The following HOMER1 variants were observed in gnomAD, a reference collection of about 807,000 sequenced individuals.
HOMER1 encodes homer protein homolog 1.
A neutral mutation model predicts 48.9 loss-of-function variants in HOMER1; 3 were observed. That is an observed-to-expected ratio of 0.06 (90% confidence interval 0.03 to 0.16). The LOEUF is 0.16. Among genes scored for constraint, HOMER1 ranks in the 10% least tolerant of loss-of-function variants. The pLI is 1.00. For synonymous variants in HOMER1, 134 were observed against 146.4 expected (o/e 0.92, Z 0.61); for missense variants, 247 against 411.4 (o/e 0.60, Z 3.46).
At position 79,390,713 on chromosome 5, in the gene HOMER1, T is replaced by C. The variant is rs184584282; in HGVS notation, c.876+6110A>G. Reference sequence around the variant, plus strand: ...AAAAGCAGCAGTAAATTACGTAACATAGAAATTATACAAATAAAACACTGT... The same window carrying C: ...AAAAGCAGCAGTAAATTACGTAACACAGAAATTATACAAATAAAACACTGT... On this transcript the variant is annotated intron_variant, in intron 8 of 8. Coordinates refer to ENST00000334082, the MANE Select transcript of HOMER1 (RefSeq NM_004272.5). Among the ~76,000 whole-genome samples, 118 of 152,038 alleles carry C rather than the reference T, an allele frequency of 7.8e-4. 1 individual carries two copies. The highest frequency in any genetic ancestry group is 4.2e-4 in the South Asian group (2 of 4,814).
chr5:79,510,291 A>G, intron 1 of HOMER1: 1 of 364,290 alleles, frequency 2.7e-6, no homozygotes, highest in East Asian at 6.8e-5. Flanking sequence ...TCATTTATAA[A>G]CAAATTAATT....
At chr5:79,501,780 T>A (rs1442403529) in intron 1 of HOMER1, among the ~76,000 whole-genome samples, 1 of 152,098 alleles carries the variant, frequency 6.6e-6, no homozygotes, top group Non-Finnish European at 1.5e-5. Context: ...CTATATTACC[T>A]CCCATAGTCA....
In HOMER1 at chr5:79,456,852, C is replaced by T. The variant is rs780332347; in HGVS notation, c.162+10G>A. ...AACCAGCCAAATCATTCAAAGTAAACGTAGCTTACCTTTGAGCCATCTAAA... is the reference window on the plus strand; with the variant it reads ...AACCAGCCAAATCATTCAAAGTAAATGTAGCTTACCTTTGAGCCATCTAAA... On this transcript the variant is annotated intron_variant, in intron 2 of 8. Transcript: ENST00000334082. 1.1e-5 allele frequency: 17 copies of T among 1,607,380 alleles called. No homozygotes were observed. Among genetic ancestry groups the T allele is most frequent in the South Asian group, 1.0e-4 (9 of 90,054 alleles).
chr5:79,405,368 AT>A (rs1197034073), intron 5 of HOMER1, among the ~76,000 whole-genome samples: 1 of 152,180 alleles, frequency 6.6e-6, no homozygotes, highest in African/African-American at 2.4e-5. Flanking sequence ...AGTCTACAGC[AT>A]TTTTTAGGAC....
At chr5:79,461,030 T>C (rs1194508258) in intron 1 of HOMER1, among the ~76,000 whole-genome samples, 1 of 152,168 alleles carries the variant, frequency 6.6e-6, no homozygotes, top group Non-Finnish European at 1.5e-5. Context: ...TGTAGAACTC[T>C]TGGGCCAGGA....
intron 5 of HOMER1, among the ~76,000 whole-genome samples, chr5:79,407,596 A>T (rs1749699810): frequency 6.6e-6 from 1 of 152,212 alleles, no homozygotes; most frequent in Non-Finnish European, 1.5e-5. Flanking sequence ...ACAGCTGCAT[A>T]AAGTCGGTGA....
intron 1 of HOMER1, among the ~76,000 whole-genome samples, chr5:79,469,560 AG>A (rs972614723): frequency 6.6e-6 from 1 of 152,212 alleles, no homozygotes; most frequent in African/African-American, 2.4e-5. Context: ...TATGTATGGT[AG>A]TCATACAGTC....
At chr5:79,474,785 A>G (rs1312339998) in intron 1 of HOMER1, among the ~76,000 whole-genome samples, 3 of 152,224 alleles carry the variant, frequency 2.0e-5, no homozygotes, top group Non-Finnish European at 2.9e-5. Flanking sequence ...CTGAAAGGTT[A>G]CAGATCTAGT....
chr5:79,443,254 T>TA (rs1750786580), intron 4 of HOMER1, among the ~76,000 whole-genome samples: 1 of 152,180 alleles, frequency 6.6e-6, no homozygotes, highest in Admixed American at 6.6e-5. Flanking sequence ...GACTAAAATG[T>TA]AAATGGCTAA....
intron 1 of HOMER1, among the ~76,000 whole-genome samples, chr5:79,481,615 T>C (rs1751949274): frequency 1.3e-5 from 2 of 152,170 alleles, no homozygotes. Context: ...TTCAGCTAAG[T>C]AGTGATCAGT....
At chr5:79,382,801 G>A (rs191844845) in intron 8 of HOMER1, among the ~76,000 whole-genome samples, 148 of 152,182 alleles carry the variant, frequency 9.7e-4, no homozygotes, top group Admixed American at 1.7e-3. Context: ...TCACAATGAC[G>A]AACAATAGGA....
At chr5:79,419,264 G>A (rs1199818891) in intron 5 of HOMER1, among the ~76,000 whole-genome samples, 1 of 152,074 alleles carries the variant, frequency 6.6e-6, no homozygotes, top group East Asian at 1.9e-4. Flanking sequence ...GATATCTGTG[G>A]AACTACTTCA....
chr5:79,499,654 G>A (rs1403555707), intron 1 of HOMER1, among the ~76,000 whole-genome samples: 1 of 151,906 alleles, frequency 6.6e-6, no homozygotes, highest in Non-Finnish European at 1.5e-5. Flanking sequence ...CTATTACAAA[G>A]AATTAAAATT....
intron 5 of HOMER1, among the ~76,000 whole-genome samples, chr5:79,405,628 G>A (rs1355674753): frequency 6.6e-6 from 1 of 152,008 alleles, no homozygotes; most frequent in African/African-American, 2.4e-5. Context: ...TCTCCAACAA[G>A]TATTTTCCAG....
chr5:79,483,682 G>A (rs1182278974), intron 1 of HOMER1, among the ~76,000 whole-genome samples: 2 of 151,492 alleles, frequency 1.3e-5, no homozygotes, highest in Non-Finnish European at 2.9e-5. Flanking sequence ...ACCAAAAGGG[G>A]TAAATATGCA....
At chr5:79,510,569 G>C in intron 1 of HOMER1, 1 of 777,216 alleles carries the variant, frequency 1.3e-6, no homozygotes, top group East Asian at 2.5e-5. Flanking sequence ...CATGCAGTTT[G>C]CCAAGAAACA....
intron 1 of HOMER1, among the ~76,000 whole-genome samples, chr5:79,497,904 A>G (rs193024717): frequency 6.6e-6 from 1 of 152,230 alleles, no homozygotes; most frequent in Admixed American, 6.5e-5. Flanking sequence ...AATCTGTTAG[A>G]AGAGTAAATT....
chr5:79,476,589 A>G (rs1751785457), intron 1 of HOMER1, among the ~76,000 whole-genome samples: 1 of 152,112 alleles, frequency 6.6e-6, no homozygotes, highest in Non-Finnish European at 1.5e-5. Flanking sequence ...AGCTCATAGA[A>G]CTCAGGAAAA....
chr5:79,481,403 A>G (rs1751940372), intron 1 of HOMER1, among the ~76,000 whole-genome samples: 1 of 152,214 alleles, frequency 6.6e-6, no homozygotes, highest in Non-Finnish European at 1.5e-5. Context: ...CTCTACACAT[A>G]TTCTTGCTTA....
Sources: gnomAD v4.1 joint callset for allele counts (sites outside exome capture counted in the v4.1 genomes callset) on GRCh38, gnomAD v4.1.1 for gene constraint, MANE v1.5 for transcripts, NCBI Gene and HGNC (gene_info 2026-07-23, HGNC 2026-07-21) for gene names.